The following GALNT15 variants were observed in gnomAD, a reference collection of about 807,000 sequenced individuals.
The protein encoded by GALNT15 is polypeptide N-acetylgalactosaminyltransferase 15.
In GALNT15, 67 loss-of-function variants were observed where a neutral mutation model predicts 66.8. That is an observed-to-expected ratio of 1.00 (90% CI 0.82 to 1.23). GALNT15 has a LOEUF of 1.23. Ranked by LOEUF, GALNT15 falls within the 50% of genes most tolerant of loss-of-function variation. The pLI, the probability that GALNT15 is intolerant of heterozygous loss-of-function variation, is 0.00. For synonymous variants in GALNT15, 313 were observed against 311.5 expected, an observed-to-expected ratio of 1.00 and a Z score of -0.05; for missense variants, 827 against 804.3, an observed-to-expected ratio of 1.03 and a Z score of -0.34.
At chr3:16,232,512 T>TATATATATATATA (rs56354612), downstream of GALNT15, among the ~76,000 whole-genome samples, 220 of 40,022 alleles carry the variant, frequency 5.5e-3, 32 homozygotes, top group South Asian at 8.7e-3. Context: ...ATATATATAT[T>TATATATATATATA]TATTTAAAAG....
chr3:16,240,267 AG>A, the GALNT15 span, among the ~76,000 whole-genome samples: 5 of 64,318 alleles, frequency 7.8e-5, no homozygotes, highest in African/African-American at 2.2e-4. Flanking sequence ...ATTACTTTGC[AG>A]ATTTAAAAAC....
At chr3:16,247,216 T>C in the GALNT15 span, among the ~76,000 whole-genome samples, 1 of 152,104 alleles carries the variant, frequency 6.6e-6, no homozygotes, top group Non-Finnish European at 1.5e-5. Flanking sequence ...GATCAATAAG[T>C]GTGTATTGAA....
Position 16,228,930 on chromosome 3 carries a change from A to G in GALNT15, c.*1430A>G, listed in dbSNP as rs1050899172. The G allele has an allele frequency of 1.0e-6, 1 of 985,342 alleles. No homozygotes were observed. Among genetic ancestry groups the G allele is most frequent in the Admixed American group, 6.1e-5 (1 of 16,264 alleles). 61.0% of individuals were successfully genotyped at this position (985,342 alleles called of 1,614,324 possible). ...GCTCATCTGGAGCACAGCTGAGGCT[A>G]GTAAGAGCTAAATGACTTTCCTTGC... On this transcript the variant is annotated 3_prime_UTR_variant, in exon 10 of 10. Coordinates refer to ENST00000339732, the MANE Select transcript of GALNT15 (RefSeq NM_054110.5).
rs536322396 is a variant in GALNT15 at position 16,220,100 on chromosome 3, C to A, written c.1629+86C>A. 6.0e-6 allele frequency: 6 copies of A among 1,004,664 alleles called. No individual in the cohort carries two copies. The African/African-American group carries it at 9.5e-5, about 16-fold the overall frequency. 62.2% of individuals were successfully genotyped at this position (1,004,664 alleles called of 1,614,324 possible). A position where few individuals can be genotyped will look rare whatever the true frequency, so the allele number is the denominator to read the frequency against. On this transcript the variant is annotated intron_variant, in intron 8 of 9. Transcript: ENST00000339732. ...TTTTTCTGGGATGCCCCATACTTCC[C>A]TTTGAGGTATCTTCTTTCTGTGGTC...
intron 1 of GALNT15, among the ~76,000 whole-genome samples, chr3:16,177,885 G>A (rs1298691975): frequency 1.3e-5 from 2 of 152,164 alleles, no homozygotes; most frequent in Non-Finnish European, 2.9e-5. Flanking sequence ...GTGGTATAAA[G>A]TGCATGGATA....
In GALNT15 at chr3:16,180,362, A is replaced by T. The variant is rs1371325849; in HGVS notation, c.539+4672A>T. On this transcript the variant is annotated intron_variant, in intron 1 of 9. Coordinates refer to ENST00000339732, the MANE Select transcript of GALNT15 (RefSeq NM_054110.5). The surrounding 1 kb of genome is among the most constrained non-coding windows in gnomAD (Gnocchi z 5.0). ...CTGTTAAAATGCAGTCAAATTCAGC[A>T]GGTCAGGAGGGCAGCCTCAGATGCT... Among the ~76,000 whole-genome samples the T allele has an allele frequency of 1.3e-5, 2 of 152,258 alleles. No homozygotes were observed. Among genetic ancestry groups the T allele is most frequent in the Non-Finnish European group, 2.9e-5 (2 of 68,044 alleles).
downstream of GALNT15, chr3:16,231,764 C>G: frequency 6.7e-7 from 1 of 1,500,466 alleles, no homozygotes; most frequent in Non-Finnish European, 9.0e-7. This position sits in a 1 kb window ranked among gnomAD's most constrained non-coding sequence, Gnocchi z 4.1. Context: ...CTTCCTCTCT[C>G]TCTCCCTCCC....
At chr3:16,202,445 C>T (rs1445294394) in intron 3 of GALNT15, among the ~76,000 whole-genome samples, 1 of 152,138 alleles carries the variant, frequency 6.6e-6, no homozygotes, top group Non-Finnish European at 1.5e-5. Context: ...CCAGCCTGGC[C>T]AACATGGTGA....
At chr3:16,247,883 C>T in the GALNT15 span, among the ~76,000 whole-genome samples, 1 of 152,142 alleles carries the variant, frequency 6.6e-6, no homozygotes, top group Non-Finnish European at 1.5e-5. Context: ...CGACACGTCA[C>T]CCAGCACACA....
chr3:16,221,380 C>G (rs759728350), intron 8 of GALNT15, among the ~76,000 whole-genome samples: 13 of 151,438 alleles, frequency 8.6e-5, no homozygotes, highest in Non-Finnish European at 1.6e-4. Context: ...TATGAAACAC[C>G]CTTTTTCATG....
At position 16,191,404 on chromosome 3, in the gene GALNT15, T is replaced by C. The variant is rs1179533392; in HGVS notation, c.540-4356T>C. On this transcript the variant is annotated intron_variant, in intron 1 of 9. Coordinates refer to ENST00000339732, the MANE Select transcript of GALNT15 (RefSeq NM_054110.5). The surrounding 1 kb of genome is among the most constrained non-coding windows in gnomAD (Gnocchi z 5.2). ...GTGCCACCCACTGTTCTTGGTGCTT[T>C]ATAAAGATCATTTCATCTCCACAAC... 3.4e-6 allele frequency: 3 copies of C among 892,958 alleles called. No individual in the cohort carries two copies. The highest frequency in any genetic ancestry group is 1.2e-4 in the East Asian group (1 of 8,368). 55.3% of individuals were successfully genotyped at this position (892,958 alleles called of 1,614,324 possible).
At chr3:16,231,982 G>A (rs1017678899), downstream of GALNT15, 17 of 1,473,522 alleles carry the variant, frequency 1.2e-5, no homozygotes, top group Non-Finnish European at 1.5e-5. The surrounding 1 kb of genome is among the most constrained non-coding windows in gnomAD (Gnocchi z 4.1). Flanking sequence ...ATAAAATCCA[G>A]AAAAACTGGA....
chr3:16,192,638 C>T (rs2063591031), intron 1 of GALNT15, among the ~76,000 whole-genome samples: 1 of 152,166 alleles, frequency 6.6e-6, no homozygotes, highest in African/African-American at 2.4e-5. Flanking sequence ...AGTCTGAGGG[C>T]AGAGCAGAAA....
chr3:16,175,602 C>G lies in GALNT15; in HGVS notation c.451C>G (p.Pro151Ala). The G allele has an allele frequency of 6.2e-7, 1 of 1,613,526 alleles. No homozygotes were observed. The highest frequency in any genetic ancestry group is 8.5e-7 in the Non-Finnish European group (1 of 1,179,990). ...GGTGTCTGAAGAAGAGGAGTTGACC[C>G]CGTTCAGCCTGGACCCACGTGGCCT... Reference protein sequence around the residue: ...GEVSEEEELTPFSLDPRGLQE... With the variant: ...GEVSEEEELTAFSLDPRGLQE... The change falls in exon 1 of 10, where the codon CCG (proline) becomes GCG (alanine). Residue 151 changes from proline (P) to alanine (A), a missense_variant. By Grantham distance (27) the Pro-to-Ala change is conservative (BLOSUM62 -1). Transcript: ENST00000339732. The surrounding 1 kb of genome is among the most constrained non-coding windows in gnomAD (Gnocchi z 5.6).
downstream of GALNT15, among the ~76,000 whole-genome samples, chr3:16,233,094 C>CTTTTTTTTTTTTTTTTTTT: frequency 7.7e-3 from 473 of 61,170 alleles, 144 homozygotes; most frequent in African/African-American, 0.014. Flanking sequence ...GATAATGCAT[C>CTTTTTTTTTTTTTTTTTTT]TTTTTTTTTT....
Position 16,219,463 on chromosome 3 carries a change from T to G in GALNT15, c.1453T>G (p.Phe485Val). ...GCAAAGGAGACTGGGTTGTCGGACA[T>G]TCCACTGGTTTCTGGCTAATGTCTA... ...QLQRRLGCRT[F>V]HWFLANVYPE... The change falls in exon 7 of 10, where the codon TTC becomes GTC. Residue 485 changes from phenylalanine (F) to valine (V), a missense_variant. Phe to Val is a conservative substitution (Grantham distance 50). Coordinates refer to ENST00000339732, the MANE Select transcript of GALNT15 (RefSeq NM_054110.5). This position sits in a 1 kb window ranked among gnomAD's most constrained non-coding sequence, Gnocchi z 4.3. 6.2e-7 allele frequency: 1 copy of G among 1,614,214 alleles called. No individual in the cohort carries two copies. Among genetic ancestry groups the G allele is most frequent in the Non-Finnish European group, 8.5e-7 (1 of 1,180,040 alleles).
chr3:16,229,051 G>A lies in GALNT15; in HGVS notation c.*1551G>A. 2.0e-6 allele frequency: 2 copies of A among 985,400 alleles called. No individual in the cohort carries two copies. Among genetic ancestry groups the A allele is most frequent in the Non-Finnish European group, 2.4e-6 (2 of 829,936 alleles). 61.0% of individuals were successfully genotyped at this position (985,400 alleles called of 1,614,324 possible). On this transcript the variant is annotated 3_prime_UTR_variant, in exon 10 of 10. Coordinates refer to ENST00000339732, the MANE Select transcript of GALNT15 (RefSeq NM_054110.5). ...CATTCATATTCATTTTTCCCCAGAT[G>A]GAGTTACCTACCTTTCCACATGGTC...
chr3:16,185,972 T>C (rs1313073404), intron 1 of GALNT15, among the ~76,000 whole-genome samples: 1 of 152,176 alleles, frequency 6.6e-6, no homozygotes, highest in Admixed American at 6.5e-5. Flanking sequence ...TTTAAAACTT[T>C]GGTGCTTCAA....
At position 16,204,870 on chromosome 3, in the gene GALNT15, C is replaced by T. The variant is rs910056660; in HGVS notation, c.912-3633C>T. On this transcript the variant is annotated intron_variant, in intron 3 of 9. Transcript: ENST00000339732. This position sits in a 1 kb window ranked among gnomAD's most constrained non-coding sequence, Gnocchi z 4.5. ...AAATGATGGAAAGCAGTGTAAGAACCCCTTGTGCTTGTGCATGTGAGTCAG... is the reference window on the plus strand; with the variant it reads ...AAATGATGGAAAGCAGTGTAAGAACTCCTTGTGCTTGTGCATGTGAGTCAG... Among the ~76,000 whole-genome samples, 1 of 152,156 alleles carries T rather than the reference C, an allele frequency of 6.6e-6. No homozygotes were observed. Among genetic ancestry groups the T allele is most frequent in the African/African-American group, 2.4e-5 (1 of 41,420 alleles).
Sources: allele counts gnomAD v4.1 joint callset (sites outside exome capture counted in the v4.1 genomes callset), GRCh38; gene constraint gnomAD v4.1.1; non-coding constraint Gnocchi (gnomAD v3.1); transcripts MANE v1.5; gene names NCBI Gene and HGNC (gene_info 2026-07-23, HGNC 2026-07-21).